Variants in AQP3 observed in about 807,000 individuals in gnomAD.
AQP3 encodes the protein aquaporin 3 (Gill blood group), also known as aquaporin-3.
A neutral mutation model predicts 30.3 loss-of-function variants in AQP3; 15 were observed. The observed-to-expected ratio is 0.49, with a 90% CI of 0.33 to 0.76. The LOEUF is 0.76. AQP3 is among the 30% of genes least tolerant of loss of function. The pLI is 0.02. For missense variants in AQP3, 272 were observed against 384.8 expected, an observed-to-expected ratio of 0.71 and a Z score of 2.45; for synonymous variants, 153 against 163.2, an observed-to-expected ratio of 0.94 and a Z score of 0.47.
At chr9:33,442,660 GTC>G in intron 4 of AQP3, 142 bp from the exon 5 acceptor site, 1 of 1,118,926 alleles carries the variant, frequency 8.9e-7, no homozygotes, top group Non-Finnish European at 1.3e-6. Flanking sequence ...GTGCTAGAAT[GTC>G]TGCGTGACAA....
rs1258483053 is a variant in AQP3 at position 33,442,342 on chromosome 9, G to T, written c.669C>A (p.Arg223=). The change falls in exon 5 of 6, where the codon CGC becomes CGA. Residue 223 remains arginine, a synonymous_variant. Coordinates refer to ENST00000297991, the MANE Select transcript of AQP3 (RefSeq NM_004925.5). The stretch of plus-strand genomic sequence containing the variant: ...CCCAGCCCGCAAGGGCTGTAAAAAG[G>T]CGGGGGCCAAAGTCCCGGGCAGGGT... ...AVNPARDFGP[R]LFTALAGWGS... 2 of 1,613,038 alleles carry T rather than the reference G, an allele frequency of 1.2e-6. No individual in the cohort carries two copies. Among genetic ancestry groups the T allele is most frequent in the African/African-American group, 1.3e-5 (1 of 75,068 alleles).
chr9:33,446,889 C>T (rs914595359), intron 1 of AQP3, among the ~76,000 whole-genome samples: 1 of 152,222 alleles, frequency 6.6e-6, no homozygotes, highest in African/African-American at 2.4e-5. Flanking sequence ...CTTCGCTGTT[C>T]GCAGCCCATG....
At position 33,443,616 on chromosome 9, in the gene AQP3, G is replaced by A. The variant is rs990801361; in HGVS notation, c.235+150C>T. 2.2e-5 allele frequency: 32 copies of A among 1,470,802 alleles called. No individual in the cohort carries two copies. Among genetic ancestry groups the A allele is most frequent in the Non-Finnish European group, 2.8e-5 (30 of 1,074,672 alleles). 91.1% of individuals were successfully genotyped at this position (1,470,802 alleles called of 1,614,324 possible). On this transcript the variant is annotated intron_variant, in intron 2 of 5. Transcript: ENST00000297991. This position sits in a 1 kb window ranked among gnomAD's most constrained non-coding sequence, Gnocchi z 5.0. ...AATCTCTGATTCCAAGGTGAGAGTC[G>A]AAAGTTCTAAGTGTCAAGTTTCTTC... is the stretch of plus-strand genomic sequence containing the variant.
Position 33,441,936 on chromosome 9 carries a change from T to C in AQP3, c.*107A>G. ...GGGTGAGGGTAGATAGGGAGCTCCT[T>C]AGCCTGAAAGGGTGGATCGTGAAGG... On this transcript the variant is annotated 3_prime_UTR_variant, in exon 6 of 6. Transcript: ENST00000297991. The C allele has an allele frequency of 6.6e-7, 1 of 1,517,312 alleles. No individual in the cohort carries two copies. The highest frequency in any genetic ancestry group is 1.4e-5 in the African/African-American group (1 of 73,076). The allele number at this position is 1,517,312 out of a possible 1,614,324, so 94.0% of individuals were successfully genotyped here. A position where few individuals can be genotyped will look rare whatever the true frequency, so the allele number is the denominator to read the frequency against.
In AQP3 at chr9:33,443,528, A is replaced by T; in HGVS notation, c.236-70T>A. On this transcript the variant is annotated intron_variant, in intron 2 of 5. Transcript: ENST00000297991. This position sits in a 1 kb window ranked among gnomAD's most constrained non-coding sequence, Gnocchi z 5.0. ...GTCGGCAGGCTAGGGTCCCCTGAGAAGGGGTGCAGAGAGGGGTTTCTTGCA... is the reference window on the plus strand; with the variant it reads ...GTCGGCAGGCTAGGGTCCCCTGAGATGGGGTGCAGAGAGGGGTTTCTTGCA... 6.4e-7 allele frequency: 1 copy of T among 1,566,672 alleles called. No individual in the cohort carries two copies. Among genetic ancestry groups the T allele is most frequent in the South Asian group, 1.2e-5 (1 of 86,724 alleles).
At chr9:33,446,052 G>C (rs750906295) in intron 1 of AQP3, among the ~76,000 whole-genome samples, 1 of 152,162 alleles carries the variant, frequency 6.6e-6, no homozygotes, top group Non-Finnish European at 1.5e-5. Flanking sequence ...ACTGAGACTT[G>C]GGAGGGAATG....
chr9:33,447,294 A>C, intron 1 of AQP3, 129 bp downstream of exon 1: 1 of 817,288 alleles, frequency 1.2e-6, no homozygotes, highest in South Asian at 1.5e-5. Flanking sequence ...CTCCGCGGTT[A>C]AGCGTGGGGG....
At chr9:33,446,562 T>A (rs1292740058) in intron 1 of AQP3, among the ~76,000 whole-genome samples, 1 of 152,194 alleles carries the variant, frequency 6.6e-6, no homozygotes, top group Admixed American at 6.5e-5. Context: ...CTGGTGGGTC[T>A]GCCAGACCTA....
chr9:33,447,062 G>A (rs767949045), intron 1 of AQP3, among the ~76,000 whole-genome samples: 72 of 152,330 alleles, frequency 4.7e-4, no homozygotes, highest in Admixed American at 2.0e-3. Flanking sequence ...TGGGGGCTGG[G>A]ATTCTGGGAA....
At chr9:33,442,234 T>G (rs1163689377) in intron 5 of AQP3, 23 bp from the exon 6 acceptor site, 1 of 1,611,474 alleles carries the variant, frequency 6.2e-7, no homozygotes. Flanking sequence ...ACACTCATAG[T>G]CAGGGACATG....
chr9:33,445,924 T>A (rs570765127), intron 1 of AQP3, among the ~76,000 whole-genome samples: 16 of 152,186 alleles, frequency 1.1e-4, no homozygotes, highest in South Asian at 1.0e-3. Context: ...ATACCTCACA[T>A]CCATCTGAGT....
At chr9:33,446,574 G>C (rs1434004682) in intron 1 of AQP3, among the ~76,000 whole-genome samples, 1 of 152,214 alleles carries the variant, frequency 6.6e-6, no homozygotes, top group African/African-American at 2.4e-5. Context: ...CCAGACCTAA[G>C]AAGTGCAAAC....
rs1326339931 is a variant in AQP3, at chr9:33,443,695, T to G, written c.235+71A>C. Reference sequence around the variant, plus strand: ...CAGAGGCCACAGCTGTGACCTGCCCTTAGGAATGCCAGGACACCTAGTGGG... The same window carrying G: ...CAGAGGCCACAGCTGTGACCTGCCCGTAGGAATGCCAGGACACCTAGTGGG... On this transcript the variant is annotated intron_variant, in intron 2 of 5. Coordinates refer to ENST00000297991, the MANE Select transcript of AQP3 (RefSeq NM_004925.5). The surrounding 1 kb of genome is among the most constrained non-coding windows in gnomAD (Gnocchi z 5.0). 2 of 1,608,692 alleles carry G rather than the reference T, an allele frequency of 1.2e-6. No individual in the cohort carries two copies. The highest frequency in any genetic ancestry group is 4.5e-5 in the East Asian group (2 of 44,870).
chr9:33,444,855 T>C (rs776744773), intron 1 of AQP3, among the ~76,000 whole-genome samples: 5 of 152,056 alleles, frequency 3.3e-5, no homozygotes, highest in Non-Finnish European at 7.4e-5. Flanking sequence ...CCACTCAGAT[T>C]TGGAGGTCCT....
intron 1 of AQP3, among the ~76,000 whole-genome samples, chr9:33,444,565 A>T (rs1339233041): frequency 1.3e-5 from 2 of 150,890 alleles, no homozygotes; most frequent in Admixed American, 6.6e-5. Flanking sequence ...GCGCCACTGC[A>T]CTTCAGCCTG....
chr9:33,441,848 G>A lies in AQP3; in HGVS notation c.*195C>T. 4 of 855,200 alleles carry A rather than the reference G, an allele frequency of 4.7e-6. No homozygotes were observed. The highest frequency in any genetic ancestry group is 7.3e-6 in the Non-Finnish European group (4 of 546,276). 53.0% of individuals were successfully genotyped at this position (855,200 alleles called of 1,614,324 possible). On this transcript the variant is annotated 3_prime_UTR_variant, in exon 6 of 6. Transcript: ENST00000297991. The stretch of plus-strand genomic sequence containing the variant: ...AATTCCGGTTCCACCCCAGCTTAGG[G>A]GCAGTGGCCTAAGGTGCTATTTGGG...
chr9:33,447,148 T>A (rs1826924771), intron 1 of AQP3, among the ~76,000 whole-genome samples: 1 of 152,212 alleles, frequency 6.6e-6, no homozygotes, highest in South Asian at 2.1e-4. Flanking sequence ...CCCAGCCTGT[T>A]GGCTGAGTCA....
chr9:33,447,319 G>A, intron 1 of AQP3, 104 bp downstream of exon 1: 2 of 1,028,490 alleles, frequency 1.9e-6, no homozygotes, highest in Non-Finnish European at 3.0e-6. Flanking sequence ...AGCTGGGGAG[G>A]TGGGTCCAGG....
At position 33,442,071 on chromosome 9, in the gene AQP3, G is replaced by A. The variant is rs1307038150; in HGVS notation, c.851C>T (p.Ala284Val). 6.2e-7 allele frequency: 1 copy of A among 1,613,842 alleles called. No homozygotes were observed. The highest frequency in any genetic ancestry group is 8.5e-7 in the Non-Finnish European group (1 of 1,180,044). Residue 284 changes from alanine to valine, a missense_variant, in exon 6 of 6, where the codon GCC (alanine) becomes GTC (valine). Physicochemically the swap from Ala to Val is moderately conservative, Grantham distance 64. Transcript: ENST00000297991. ...GATCTGCTCCTTGTGCTTCACATGG[G>A]CCAGCTTCACATTCTCTTCCTCGTT... ...PSNEEENVKL[A>V]HVKHKEQI is the part of the protein sequence containing the mutation.
Sources: allele counts gnomAD v4.1 joint callset (sites outside exome capture counted in the v4.1 genomes callset), GRCh38; gene constraint gnomAD v4.1.1; non-coding constraint Gnocchi (gnomAD v3.1); transcripts MANE v1.5; gene names NCBI Gene and HGNC (gene_info 2026-07-23, HGNC 2026-07-21).